Variants in PMS2 observed in about 807,000 individuals in gnomAD.
PMS2 encodes the protein mismatch repair endonuclease PMS2.
A neutral mutation model predicts 90.0 loss-of-function variants in PMS2; 69 were observed. That is an observed-to-expected ratio of 0.77 (90% CI 0.63 to 0.94). The LOEUF (loss-of-function observed/expected upper bound fraction) is 0.94. Among genes scored for constraint, PMS2 ranks in the 40% least tolerant of loss-of-function variants. The probability of loss-of-function intolerance (pLI) is 0.00; values close to 1 mark genes in which losing one functional copy is unlikely to be tolerated. For synonymous variants in PMS2, 332 were observed against 375.1 expected, an observed-to-expected ratio of 0.89 and a Z score of 1.33; for missense variants, 966 against 1,040.2, an observed-to-expected ratio of 0.93 and a Z score of 0.98.
intron 12 of PMS2, among the ~76,000 whole-genome samples, chr7:5,980,867 T>G (rs566840253): frequency 6.6e-6 from 1 of 150,446 alleles, no homozygotes; most frequent in African/African-American, 2.5e-5. Context: ...ATAAAAACAA[T>G]TCACGCATTC....
intron 9 of PMS2, among the ~76,000 whole-genome samples, chr7:5,991,125 A>G (rs990416150): frequency 2.0e-5 from 3 of 152,202 alleles, no homozygotes; most frequent in Admixed American, 6.6e-5. Flanking sequence ...AAATTAAAAT[A>G]CCAAACTATA....
chr7:6,003,854 T>C, intron 3 of PMS2, 62 bp from the exon 4 acceptor site: 2 of 1,264,352 alleles, frequency 1.6e-6, no homozygotes, highest in South Asian at 1.2e-5. Flanking sequence ...AAAATATACA[T>C]GATATCTAGT....
intron 13 of PMS2, among the ~76,000 whole-genome samples, chr7:5,978,324 G>A (rs986922808): frequency 1.4e-5 from 2 of 146,468 alleles, no homozygotes; most frequent in African/African-American, 5.1e-5. Context: ...AGGCTGGAGT[G>A]CAGTGACGTG....
Position 5,997,354 on chromosome 7 carries a change from A to G in PMS2, c.775T>C (p.Cys259Arg), listed in dbSNP as rs1554301455. 6.9e-6 allele frequency: 11 copies of G among 1,597,854 alleles called. No individual in the cohort carries two copies. The highest frequency in any genetic ancestry group is 9.4e-6 in the Non-Finnish European group (11 of 1,165,560). The change falls in exon 7 of 15, where the codon TGT becomes CGT. Residue 259 changes from cysteine (C) to arginine (R), a missense_variant. By Grantham distance (180) the Cys-to-Arg change is radical (BLOSUM62 -3). Around this residue, in one of 2 missense-constraint regions of PMS2, gnomAD observed 871 missense variants for 802.4 expected, o/e 1.09. Transcript: ENST00000265849. ...AAAAGATTATGCAGAGCATCGGAAC[A>G]GCTCAAACCGTACTCTTCACACACG... ...DSVCEEYGLSCSDALHNLFYI... is the reference protein window; with the variant it reads ...DSVCEEYGLSRSDALHNLFYI...
chr7:5,994,964 G>A (rs1282594678), intron 8 of PMS2, among the ~76,000 whole-genome samples: 1 of 151,886 alleles, frequency 6.6e-6, no homozygotes, highest in Admixed American at 6.6e-5. Flanking sequence ...AAAAACAATG[G>A]TTCAATAGGT....
At chr7:5,993,016 G>A (rs1013674050) in intron 8 of PMS2, among the ~76,000 whole-genome samples, 1 of 152,090 alleles carries the variant, frequency 6.6e-6, no homozygotes, top group African/African-American at 2.4e-5. Context: ...TCACACTATA[G>A]GTTAAAAAAT....
intron 5 of PMS2, chr7:6,002,066 G>C (rs1243668298): frequency 1.0e-5 from 2 of 198,630 alleles, no homozygotes; most frequent in South Asian, 1.7e-4. Context: ...ATCTTATTCT[G>C]TCTCCCAGTC....
chr7:5,993,862 CAAAAAAA>C (rs61677497), intron 8 of PMS2, among the ~76,000 whole-genome samples: 29 of 38,940 alleles, frequency 7.4e-4, no homozygotes, highest in South Asian at 3.5e-3. Flanking sequence ...GACTCTGTCT[CAAAAAAA>C]AAAAAAAAAA....
chr7:6,003,691 TC>T lies in PMS2; in HGVS notation c.351del (p.Ser118AlafsTer18). ...GAGTGGATAAAAATATTGTATCACC[TC>T]AGTGCACAAAGTGAGCTCAGAGCTT... Reference protein sequence around the residue: ...RGEALSSLCALSDVTISTCHA... With the variant: ...RGEALSSLCAXSDVTISTCHA... On this transcript the variant is annotated frameshift_variant and splice_region_variant, in exon 4 of 15. Transcript: ENST00000265849. LOFTEE classifies it high-confidence loss of function. 1 of 1,537,664 alleles carries T rather than the reference TC, an allele frequency of 6.5e-7. No homozygotes were observed. The highest frequency in any genetic ancestry group is 8.9e-7 in the Non-Finnish European group (1 of 1,125,188).
intron 6 of PMS2, among the ~76,000 whole-genome samples, chr7:5,997,973 T>C (rs1784620130): frequency 6.6e-6 from 1 of 152,074 alleles, no homozygotes; most frequent in Non-Finnish European, 1.5e-5. Context: ...TAACTTATAT[T>C]TTTTTCAGAG....
intron 8 of PMS2, among the ~76,000 whole-genome samples, chr7:5,993,117 T>A (rs12702460): frequency 0.16 from 24,116 of 152,058 alleles, 2,101 homozygotes; most frequent in South Asian, 0.22. Flanking sequence ...ACGCCTGTAA[T>A]CCCAGCACTT....
intron 12 of PMS2, among the ~76,000 whole-genome samples, chr7:5,982,006 A>G (rs184387338): frequency 2.0e-5 from 3 of 152,060 alleles, no homozygotes; most frequent in African/African-American, 4.8e-5. Context: ...AGACACACAT[A>G]TAAACTATTA....
intron 8 of PMS2, among the ~76,000 whole-genome samples, chr7:5,992,600 G>GT (rs1783894533): frequency 1.3e-5 from 2 of 152,166 alleles, no homozygotes; most frequent in Non-Finnish European, 2.9e-5. Context: ...GATTATAGGC[G>GT]TAAGCCACTA....
rs1785749238 is a variant in PMS2 at position 6,006,216 on chromosome 7, T to C, written c.24-185A>G. On this transcript the variant is annotated intron_variant, in intron 1 of 14. Coordinates refer to ENST00000265849, the MANE Select transcript of PMS2 (RefSeq NM_000535.7). The stretch of plus-strand genomic sequence containing the variant: ...CACTGTTTTACAATCCTTAAACATG[T>C]ACCCAAAATACTTCTGGATAGATAC... 3 of 678,538 alleles carry C rather than the reference T, an allele frequency of 4.4e-6. No homozygotes were observed. The Admixed American group carries it at 7.3e-5, about 17-fold the overall frequency. 42.0% of individuals were successfully genotyped at this position (678,538 alleles called of 1,614,324 possible). A position where few individuals can be genotyped will look rare whatever the true frequency, so the allele number is the denominator to read the frequency against.
At chr7:6,007,699 T>C (rs191303908) in intron 1 of PMS2, among the ~76,000 whole-genome samples, 3 of 152,154 alleles carry the variant, frequency 2.0e-5, no homozygotes, top group Non-Finnish European at 4.4e-5. Flanking sequence ...CCTTCTGAAA[T>C]AAACAAACCT....
intron 12 of PMS2, among the ~76,000 whole-genome samples, chr7:5,979,213 A>C (rs1490134894): frequency 7.0e-6 from 1 of 143,396 alleles, no homozygotes; most frequent in African/African-American, 2.7e-5. Context: ...AAAAAAAAAA[A>C]AAAAAAAAAA....
At chr7:5,993,371 A>C (rs935071272) in intron 8 of PMS2, among the ~76,000 whole-genome samples, 1 of 40,522 alleles carries the variant, frequency 2.5e-5, no homozygotes, top group African/African-American at 6.2e-5. Flanking sequence ...ACTCCGTCTC[A>C]AAAAAAAAAA....
In PMS2 at chr7:5,999,102, C is replaced by G. The variant is rs2128798888; in HGVS notation, c.705+6G>C. On this transcript the variant is annotated splice_donor_region_variant and intron_variant, in intron 6 of 14. Coordinates refer to ENST00000265849, the MANE Select transcript of PMS2 (RefSeq NM_000535.7). ...AAGAGGCGTTGAAGTAACCGGCCAT[C>G]ACTACCTGCTTCTGCCCAAACACAG... 1.2e-6 allele frequency: 2 copies of G among 1,613,924 alleles called. No homozygotes were observed. Among genetic ancestry groups the G allele is most frequent in the Non-Finnish European group, 1.7e-6 (2 of 1,179,888 alleles).
chr7:6,002,621 A>G lies in PMS2; in HGVS notation c.369T>C (p.Ser123=). Residue 123 remains serine, a synonymous_variant, in exon 5 of 15, where the codon TCT becomes TCC. Transcript: ENST00000265849. ...CAACCTTCGCCGATGCGTGGCAGGTAGAAATGGTGACATCGCTGTGAGAGA... is the reference window on the plus strand; with the variant it reads ...CAACCTTCGCCGATGCGTGGCAGGTGGAAATGGTGACATCGCTGTGAGAGA... The part of the protein sequence containing the change: ...SLCALSDVTI[S]TCHASAKVGT... 6.2e-7 allele frequency: 1 copy of G among 1,611,768 alleles called. No individual in the cohort carries two copies. Among genetic ancestry groups the G allele is most frequent in the South Asian group, 1.1e-5 (1 of 90,984 alleles).
Sources: allele counts gnomAD v4.1 joint callset (sites outside exome capture counted in the v4.1 genomes callset), GRCh38; gene constraint gnomAD v4.1.1; regional missense constraint gnomAD v4.1.1; transcripts MANE v1.5; gene names NCBI Gene and HGNC (gene_info 2026-07-23, HGNC 2026-07-21).